Variants in RGS9 observed in about 807,000 individuals in gnomAD.
RGS9 encodes regulator of G-protein signalling 9.
Under a neutral mutation model 102.0 loss-of-function variants are expected in RGS9, and 78 were observed. The observed-to-expected ratio is 0.76, with a 90% CI of 0.64 to 0.92. The LOEUF (loss-of-function observed/expected upper bound fraction) is 0.92, where lower values mean the gene tolerates loss of function less well. Among genes scored for constraint, RGS9 ranks in the 40% least tolerant of loss-of-function variants. The probability of loss-of-function intolerance (pLI) is 0.00; values close to 1 mark genes in which losing one functional copy is unlikely to be tolerated. For missense variants in RGS9, 833 were observed against 866.1 expected (o/e 0.96, Z 0.48); for synonymous variants, 353 against 318.6 (o/e 1.11, Z -1.15).
intron 1 of RGS9, among the ~76,000 whole-genome samples, chr17:65,138,220 TG>T (rs1909987224): frequency 6.6e-6 from 1 of 152,192 alleles, no homozygotes; most frequent in African/African-American, 2.4e-5. Context: ...AATGCACCTG[TG>T]GGGTGATGTG....
intron 2 of RGS9, among the ~76,000 whole-genome samples, chr17:65,154,779 A>T (rs1488599491): frequency 6.6e-6 from 1 of 152,214 alleles, no homozygotes; most frequent in Non-Finnish European, 1.5e-5. Flanking sequence ...ACAATGTTTC[A>T]TACTTAGGCG....
intron 1 of RGS9, among the ~76,000 whole-genome samples, chr17:65,151,063 C>T (rs1350183842): frequency 6.6e-6 from 1 of 152,082 alleles, no homozygotes; most frequent in Non-Finnish European, 1.5e-5. Flanking sequence ...AAATCCTTCA[C>T]GCCAGGTGTG....
chr17:65,210,876 G>A (rs569696309), intron 17 of RGS9, among the ~76,000 whole-genome samples: 1 of 152,296 alleles, frequency 6.6e-6, no homozygotes, highest in African/African-American at 2.4e-5. Flanking sequence ...GGCGAAGGCG[G>A]TGGGTGGGAG....
rs540667124 is a variant in RGS9 at position 65,199,296 on chromosome 17, A to G, written c.976+2055A>G. On this transcript the variant is annotated intron_variant, in intron 13 of 18. Transcript: ENST00000262406. ...AAGAAACTCTTTACCCATTAGAATC[A>G]TCTTCTATTCCTGCTTCTCCTGCAC... Among the ~76,000 whole-genome samples the G allele has an allele frequency of 9.2e-5, 14 of 152,208 alleles. 1 individual carries two copies. In the South Asian group the frequency reaches 2.9e-3, roughly 32 times the overall value.
Position 65,164,142 on chromosome 17 carries a change from C to T in RGS9, c.500+1053C>T, listed in dbSNP as rs186405867. 2.8e-3 allele frequency among the ~76,000 whole-genome samples: 423 copies of T among 152,192 alleles called. 2 individuals are homozygous for T. Among genetic ancestry groups the T allele is most frequent in the African/African-American group, 9.6e-3 (397 of 41,514 alleles). On this transcript the variant is annotated intron_variant, in intron 7 of 18. Coordinates refer to ENST00000262406, the MANE Select transcript of RGS9 (RefSeq NM_003835.4). ...GGTTAGCCTATCATTACAAACAGCC[C>T]CCAACTCTCAGGGGCTGGAAACCAC... is the stretch of plus-strand genomic sequence containing the variant.
intron 8 of RGS9, among the ~76,000 whole-genome samples, chr17:65,172,202 TTTTG>T (rs1198552699): frequency 5.3e-5 from 8 of 152,290 alleles, no homozygotes; most frequent in South Asian, 2.1e-4. Context: ...ACAATGTGTT[TTTTG>T]TTTGTTTGTT....
chr17:65,209,190 T>G (rs1913189774), intron 16 of RGS9, among the ~76,000 whole-genome samples: 1 of 152,182 alleles, frequency 6.6e-6, no homozygotes, highest in Non-Finnish European at 1.5e-5. Flanking sequence ...CTGGTCTGTG[T>G]CCATACCAGG....
chr17:65,215,123 A>G (rs1472343039), intron 17 of RGS9, among the ~76,000 whole-genome samples: 5 of 152,166 alleles, frequency 3.3e-5, no homozygotes, highest in Non-Finnish European at 7.3e-5. Context: ...ACTGGAAATC[A>G]GGAGCTGAGG....
intron 1 of RGS9, among the ~76,000 whole-genome samples, chr17:65,152,173 G>A (rs1158707870): frequency 6.6e-6 from 1 of 152,212 alleles, no homozygotes; most frequent in Non-Finnish European, 1.5e-5. Flanking sequence ...AAGAAGGTGA[G>A]GAGGGAGCCA....
chr17:65,203,382 C>A (rs1221601198), intron 14 of RGS9, among the ~76,000 whole-genome samples: 2 of 152,172 alleles, frequency 1.3e-5, no homozygotes, highest in African/African-American at 4.8e-5. Context: ...GACGCACACA[C>A]AACTCCTGAT....
intron 1 of RGS9, among the ~76,000 whole-genome samples, chr17:65,145,843 C>T (rs545527883): frequency 4.0e-5 from 6 of 151,876 alleles, no homozygotes; most frequent in African/African-American, 1.2e-4. Context: ...TGAGGAGACG[C>T]CTCAGAGGAA....
At chr17:65,208,211 C>T (rs2144105027) in intron 16 of RGS9, among the ~76,000 whole-genome samples, 1 of 152,280 alleles carries the variant, frequency 6.6e-6, no homozygotes, top group East Asian at 1.9e-4. Context: ...GTAATTACCA[C>T]CACTAAGTTT....
At chr17:65,176,530 C>T (rs1360203561) in intron 8 of RGS9, among the ~76,000 whole-genome samples, 1 of 152,186 alleles carries the variant, frequency 6.6e-6, no homozygotes, top group Non-Finnish European at 1.5e-5. Flanking sequence ...TGGACTTTCC[C>T]AAAGCACTGC....
At chr17:65,197,519 C>T (rs2144081341) in intron 13 of RGS9, among the ~76,000 whole-genome samples, 1 of 152,180 alleles carries the variant, frequency 6.6e-6, no homozygotes, top group East Asian at 1.9e-4. Flanking sequence ...TCCATCCATC[C>T]TGGATGCCCC....
At chr17:65,191,485 A>G (rs1378034159) in intron 11 of RGS9, among the ~76,000 whole-genome samples, 1 of 151,894 alleles carries the variant, frequency 6.6e-6, no homozygotes, top group Non-Finnish European at 1.5e-5. Context: ...TGGGGTGGGC[A>G]GATCACCTGA....
rs1221730473 is a variant in RGS9, at chr17:65,189,312, A to G, written c.681A>G (p.Lys227=). Residue 227 remains lysine, a synonymous_variant, in exon 10 of 19, where the codon AAA becomes AAG. Transcript: ENST00000262406. ...NQKQTVVAVK[K]EIMYYQQALM... is the part of the protein sequence containing the mutation. ...AACAAACAGTCGTTGCTGTCAAAAA[A>G]GAGGTAATTAGTCTTACACTTCCAG... 1.9e-6 allele frequency: 3 copies of G among 1,609,646 alleles called. No individual in the cohort carries two copies. Among genetic ancestry groups the G allele is most frequent in the Non-Finnish European group, 2.6e-6 (3 of 1,176,006 alleles).
rs569532429 is a variant in RGS9 at position 65,208,913 on chromosome 17, G to A, written c.1289+906G>A. On this transcript the variant is annotated intron_variant, in intron 16 of 18. Transcript: ENST00000262406. Reference sequence around the variant, plus strand: ...GAGGATAATGGCCCTGTTATGAAAAGGAGAGAAAGAAGGTCTTTGTGGTGC... The same window carrying A: ...GAGGATAATGGCCCTGTTATGAAAAAGAGAGAAAGAAGGTCTTTGTGGTGC... Among the ~76,000 whole-genome samples, 505 of 152,302 alleles carry A rather than the reference G, an allele frequency of 3.3e-3. 2 individuals carry two copies. Among genetic ancestry groups the A allele is most frequent in the Non-Finnish European group, 5.4e-3 (368 of 68,016 alleles).
intron 17 of RGS9, among the ~76,000 whole-genome samples, chr17:65,211,530 A>G (rs1041027977): frequency 7.2e-5 from 11 of 152,180 alleles, no homozygotes; most frequent in African/African-American, 2.7e-4. Flanking sequence ...GACATTTTCT[A>G]GATGTTGATT....
chr17:65,174,221 G>A (rs772312068), intron 8 of RGS9, among the ~76,000 whole-genome samples: 1 of 152,178 alleles, frequency 6.6e-6, no homozygotes, highest in Admixed American at 6.5e-5. Flanking sequence ...TTATATCAGA[G>A]CCTGGGGCAC....
Sources: allele counts gnomAD v4.1 joint callset (sites outside exome capture counted in the v4.1 genomes callset), GRCh38; gene constraint gnomAD v4.1.1; transcripts MANE v1.5; gene names NCBI Gene and HGNC (gene_info 2026-07-23, HGNC 2026-07-21).